Variants in ROBO1 observed in about 807,000 individuals in gnomAD.
The protein encoded by ROBO1 is roundabout guidance receptor 1, also known as roundabout homolog 1.
A neutral mutation model predicts 195.9 loss-of-function variants in ROBO1; 149 were observed. The observed-to-expected ratio is 0.76, with a 90% CI of 0.67 to 0.87. The LOEUF (loss-of-function observed/expected upper bound fraction) is 0.87, where lower values mean the gene tolerates loss of function less well. ROBO1 is among the 40% of genes least tolerant of loss of function. ROBO1 has a pLI of 0.00. For missense variants in ROBO1, 1,933 were observed against 2,068.3 expected (o/e 0.93, Z 1.27); for synonymous variants, 816 against 733.2 (o/e 1.11, Z -1.82).
chr3:79,481,481 C>A (rs544521194), intron 2 of ROBO1, among the ~76,000 whole-genome samples: 25 of 152,298 alleles, frequency 1.6e-4, no homozygotes, highest in African/African-American at 6.0e-4. Flanking sequence ...CATTACAAAA[C>A]ACTGGCCTGC....
At position 78,663,839 on chromosome 3, in the gene ROBO1, G is replaced by T. The variant is rs535817431; in HGVS notation, c.1967-1725C>A. Among the ~76,000 whole-genome samples, 3 of 152,300 alleles carry T rather than the reference G, an allele frequency of 2.0e-5. No homozygotes were observed. The East Asian group carries it at 5.8e-4, about 29-fold the overall frequency. Reference sequence around the variant, plus strand: ...ATTCATGTGTGGAAAACACACATATGATGTCAGTTTCCAAGTACTTCCCTC... The same window carrying T: ...ATTCATGTGTGGAAAACACACATATTATGTCAGTTTCCAAGTACTTCCCTC... On this transcript the variant is annotated intron_variant, in intron 14 of 30. Transcript: ENST00000464233.
chr3:79,412,768 G>A (rs2037826490), intron 2 of ROBO1, among the ~76,000 whole-genome samples: 1 of 151,422 alleles, frequency 6.6e-6, no homozygotes, highest in African/African-American at 2.4e-5. Context: ...GCACATTCAA[G>A]GATCATCTGC....
intron 2 of ROBO1, among the ~76,000 whole-genome samples, chr3:79,430,532 A>G (rs554986696): frequency 2.3e-4 from 35 of 152,234 alleles, no homozygotes; most frequent in African/African-American, 8.2e-4. Context: ...GAAAGCCCCA[A>G]ATAGCTGAAG....
At chr3:79,697,193 G>C (rs2107129748) in intron 1 of ROBO1, among the ~76,000 whole-genome samples, 1 of 151,560 alleles carries the variant, frequency 6.6e-6, no homozygotes. Context: ...AAGTAATTAA[G>C]AATGGTTCTA....
At chr3:78,634,819 T>C (rs1705396347) in intron 23 of ROBO1, among the ~76,000 whole-genome samples, 1 of 152,160 alleles carries the variant, frequency 6.6e-6, no homozygotes, top group South Asian at 2.1e-4. Flanking sequence ...GCTGACTTCA[T>C]TCTCGAGTTA....
chr3:79,249,943 TAAG>T (rs1462071969), intron 2 of ROBO1, among the ~76,000 whole-genome samples: 1 of 152,130 alleles, frequency 6.6e-6, no homozygotes, highest in East Asian at 1.9e-4. Flanking sequence ...CAGAATGTTT[TAAG>T]AAGGAGTGAG....
chr3:79,436,263 AT>A (rs1354658005), intron 2 of ROBO1, among the ~76,000 whole-genome samples: 52 of 152,108 alleles, frequency 3.4e-4, no homozygotes, highest in Admixed American at 6.6e-5. Context: ...AGACTAAAGT[AT>A]TTTTCCATTG....
chr3:79,003,492 G>T (rs996741499), intron 3 of ROBO1, among the ~76,000 whole-genome samples: 6 of 151,810 alleles, frequency 4.0e-5, no homozygotes, highest in Non-Finnish European at 7.4e-5. Flanking sequence ...GTCAAAACAT[G>T]CCGAACACTC....
In ROBO1 at chr3:78,714,397, C is replaced by T; in HGVS notation, c.1045G>A (p.Glu349Lys). The change falls in exon 8 of 31, where the codon GAA becomes AAA. Residue 349 changes from glutamate (E) to lysine (K), a missense_variant and splice_region_variant. Around this residue, in one of 3 missense-constraint regions of ROBO1, gnomAD observed 1,737 missense variants for 1,882.5 expected, o/e 0.92. Coordinates refer to ENST00000464233, the MANE Select transcript of ROBO1 (RefSeq NM_002941.4). ...AAACAAAGCCTTTCCCAATGCCTAC[C>T]TTGAACAGTCAGAGTAGCAGATGCT... ...AEASATLTVQ[E>K]PPHFVVKPRD... 6.2e-7 allele frequency: 1 copy of T among 1,610,640 alleles called. No homozygotes were observed. Among genetic ancestry groups the T allele is most frequent in the Non-Finnish European group, 8.5e-7 (1 of 1,178,546 alleles).
chr3:78,655,326 T>C (rs1706936466), intron 18 of ROBO1, among the ~76,000 whole-genome samples: 1 of 152,176 alleles, frequency 6.6e-6, no homozygotes, highest in Admixed American at 6.5e-5. Flanking sequence ...GACTTAGTTT[T>C]GAGGTTACCC....
chr3:79,115,380 A>G (rs1027328104), intron 3 of ROBO1, among the ~76,000 whole-genome samples: 1 of 152,178 alleles, frequency 6.6e-6, no homozygotes, highest in African/African-American at 2.4e-5. Context: ...GAATGATTTC[A>G]AAATATAAAG....
chr3:79,191,002 A>G (rs536457457), intron 2 of ROBO1, among the ~76,000 whole-genome samples: 1 of 151,788 alleles, frequency 6.6e-6, no homozygotes, highest in Admixed American at 6.6e-5. Context: ...TAGGTCATAC[A>G]GTGAACTATA....
chr3:79,566,629 A>C (rs1428413605), intron 2 of ROBO1, among the ~76,000 whole-genome samples: 1 of 152,132 alleles, frequency 6.6e-6, no homozygotes, highest in East Asian at 1.9e-4. Context: ...GAGCACTTTA[A>C]AGGCGTGACA....
intron 3 of ROBO1, among the ~76,000 whole-genome samples, chr3:79,081,105 CT>C (rs926942736): frequency 1.3e-5 from 2 of 151,842 alleles, no homozygotes; most frequent in East Asian, 1.9e-4. Context: ...AAAACCCATT[CT>C]TTTTTTATAA....
At chr3:79,312,718 T>C in intron 2 of ROBO1, among the ~76,000 whole-genome samples, 1 of 152,176 alleles carries the variant, frequency 6.6e-6, no homozygotes, top group East Asian at 1.9e-4. Context: ...GTTCTGAGGT[T>C]CACCACACAT....
At chr3:78,896,707 T>C (rs1300775093) in intron 4 of ROBO1, among the ~76,000 whole-genome samples, 1 of 142,922 alleles carries the variant, frequency 7.0e-6, no homozygotes, top group Middle Eastern at 3.6e-3. Flanking sequence ...AAGTGCCTAA[T>C]AAATATTGCC....
At chr3:78,986,591 A>G (rs961939714) in intron 3 of ROBO1, among the ~76,000 whole-genome samples, 1 of 152,098 alleles carries the variant, frequency 6.6e-6, no homozygotes, top group Non-Finnish European at 1.5e-5. Flanking sequence ...CGAACAGAAA[A>G]TGTTTCCTTC....
intron 1 of ROBO1, among the ~76,000 whole-genome samples, chr3:79,690,311 A>T (rs987094787): frequency 3.3e-5 from 5 of 151,974 alleles, no homozygotes; most frequent in African/African-American, 9.7e-5. Flanking sequence ...AAAAGCAAAG[A>T]ACCTTTCCTG....
chr3:79,361,346 A>G (rs2035762310), intron 2 of ROBO1, among the ~76,000 whole-genome samples: 1 of 152,116 alleles, frequency 6.6e-6, no homozygotes, highest in Non-Finnish European at 1.5e-5. Context: ...CAAATACAAT[A>G]CTGGAAAATC....
Sources: gnomAD v4.1 joint callset for allele counts (sites outside exome capture counted in the v4.1 genomes callset) on GRCh38, gnomAD v4.1.1 for gene constraint, gnomAD v4.1.1 regional missense constraint, MANE v1.5 for transcripts, NCBI Gene and HGNC (gene_info 2026-07-23, HGNC 2026-07-21) for gene names.